Variants in MAML3 observed in about 807,000 individuals in gnomAD.
MAML3 encodes the protein mastermind like transcriptional coactivator 3.
A neutral mutation model predicts 101.9 loss-of-function variants in MAML3; 27 were observed. That is an observed-to-expected ratio of 0.27 (90% CI 0.20 to 0.37). The LOEUF (loss-of-function observed/expected upper bound fraction) is 0.37, where lower values mean the gene tolerates loss of function less well. Ranked by LOEUF, MAML3 falls within the 10% of genes least tolerant of loss-of-function variation. The pLI, the probability that MAML3 is intolerant of heterozygous loss-of-function variation, is 1.00. For missense variants in MAML3, 1,316 were observed against 1,444.9 expected, an observed-to-expected ratio of 0.91 and a Z score of 1.45; for synonymous variants, 501 against 555.9, an observed-to-expected ratio of 0.90 and a Z score of 1.39.
At chr4:139,780,623 C>CTTTTTTTTTT (rs35929438) in intron 2 of MAML3, among the ~76,000 whole-genome samples, 1 of 136,958 alleles carries the variant, frequency 7.3e-6, no homozygotes, top group Non-Finnish European at 1.6e-5. Context: ...TCTTTCTTTT[C>CTTTTTTTTTT]TTTTTTTTTT....
intron 2 of MAML3, among the ~76,000 whole-genome samples, chr4:139,842,906 T>C (rs1198116966): frequency 1.3e-5 from 2 of 149,876 alleles, no homozygotes; most frequent in African/African-American, 2.5e-5. Context: ...GCCTCCCGAG[T>C]AGCTGGAATT....
At chr4:140,118,273 G>A (rs1728547973) in intron 1 of MAML3, among the ~76,000 whole-genome samples, 2 of 151,648 alleles carry the variant, frequency 1.3e-5, no homozygotes, top group South Asian at 2.1e-4. Flanking sequence ...CCGTGTACTA[G>A]CTGTATGACT....
intron 2 of MAML3, among the ~76,000 whole-genome samples, chr4:139,880,455 A>T (rs1732196437): frequency 6.6e-6 from 1 of 152,000 alleles, no homozygotes; most frequent in Non-Finnish European, 1.5e-5. Context: ...TTCTGTCCAT[A>T]TTCCACCTTG....
At chr4:139,972,744 TA>T (rs963577287) in intron 1 of MAML3, among the ~76,000 whole-genome samples, 1 of 152,236 alleles carries the variant, frequency 6.6e-6, no homozygotes, top group Admixed American at 6.5e-5. Flanking sequence ...ATACCTCAAT[TA>T]AAAGTTTTAA....
rs370601151 is a variant in MAML3 at position 140,067,877 on chromosome 4, G to A, written c.468+84983C>T. On this transcript the variant is annotated intron_variant, in intron 1 of 4. Transcript: ENST00000509479. ...GCTTCCCAAGTAGCTGGGATTATAG[G>A]CATATGCCACCACGCCCGGCTAATT... Among the ~76,000 whole-genome samples, 12 of 152,122 alleles carry A rather than the reference G, an allele frequency of 7.9e-5. No individual in the cohort carries two copies. The South Asian group carries it at 1.5e-3, about 18-fold the overall frequency.
At chr4:139,840,087 G>A (rs1214729103) in intron 2 of MAML3, among the ~76,000 whole-genome samples, 3 of 152,168 alleles carry the variant, frequency 2.0e-5, no homozygotes, top group Non-Finnish European at 4.4e-5. Context: ...TCCTGTGCAT[G>A]GAAATTCTTG....
Position 139,912,374 on chromosome 4 carries a change from A to G in MAML3, c.469-21407T>C, listed in dbSNP as rs564020568. ...GAAGAACACTGCTAAGGAGGAAAAAATAAAGGTTGAGGAGAGAAGTAAATG... is the reference window on the plus strand; with the variant it reads ...GAAGAACACTGCTAAGGAGGAAAAAGTAAAGGTTGAGGAGAGAAGTAAATG... On this transcript the variant is annotated intron_variant, in intron 1 of 4. Transcript: ENST00000509479. Among the ~76,000 whole-genome samples the G allele has an allele frequency of 9.0e-4, 137 of 152,248 alleles. 1 individual carries two copies. Among genetic ancestry groups the G allele is most frequent in the African/African-American group, 3.1e-3 (127 of 41,486 alleles).
At chr4:140,139,274 T>C (rs1160885461) in intron 1 of MAML3, among the ~76,000 whole-genome samples, 1 of 151,626 alleles carries the variant, frequency 6.6e-6, no homozygotes, top group African/African-American at 2.4e-5. Context: ...CCCTGTTGTC[T>C]TTTTTTTTCT....
chr4:140,033,347 C>G (rs1018159295), intron 1 of MAML3, among the ~76,000 whole-genome samples: 1 of 151,934 alleles, frequency 6.6e-6, no homozygotes, highest in Middle Eastern at 3.2e-3. Context: ...AAGAAGCTCA[C>G]GCAAAACCTG....
rs554133311 is a variant in MAML3 at position 139,879,890 on chromosome 4, G to A, written c.2079+9467C>T. On this transcript the variant is annotated intron_variant, in intron 2 of 4. Coordinates refer to ENST00000509479, the MANE Select transcript of MAML3 (RefSeq NM_018717.5). ...TAGGAGTGCAATTAAAACCTCTTTC[G>A]GGCTGGGTGTGGTGGCTCACGCCTG... is the stretch of plus-strand genomic sequence containing the variant. 2.0e-5 allele frequency among the ~76,000 whole-genome samples: 3 copies of A among 152,062 alleles called. No individual in the cohort carries two copies. In the East Asian group the frequency reaches 5.8e-4, roughly 30 times the overall value.
At chr4:140,028,734 T>C (rs1388638615) in intron 1 of MAML3, among the ~76,000 whole-genome samples, 3 of 152,192 alleles carry the variant, frequency 2.0e-5, no homozygotes, top group African/African-American at 7.2e-5. Context: ...CTTATCTCCC[T>C]ATTCATTTAA....
At chr4:139,764,493 A>G (rs1224107909) in intron 2 of MAML3, among the ~76,000 whole-genome samples, 2 of 152,176 alleles carry the variant, frequency 1.3e-5, no homozygotes, top group African/African-American at 2.4e-5. Flanking sequence ...GTGACCGAGG[A>G]CATTGTCTCA....
chr4:139,997,008 G>A (rs568339066), intron 1 of MAML3, among the ~76,000 whole-genome samples: 1 of 151,792 alleles, frequency 6.6e-6, no homozygotes, highest in African/African-American at 2.4e-5. Flanking sequence ...AAAGAGCCAA[G>A]ATCGCGCCAC....
chr4:140,146,595 A>C (rs1053595535), intron 1 of MAML3, among the ~76,000 whole-genome samples: 1 of 152,216 alleles, frequency 6.6e-6, no homozygotes, highest in Non-Finnish European at 1.5e-5. Context: ...AAAACTAAAT[A>C]GTGAATTTTT....
At chr4:139,874,918 C>A (rs1343783643) in intron 2 of MAML3, among the ~76,000 whole-genome samples, 1 of 151,910 alleles carries the variant, frequency 6.6e-6, no homozygotes, top group African/African-American at 2.4e-5. Context: ...ATTCTCCTGC[C>A]ACAGCCTCCC....
intron 1 of MAML3, among the ~76,000 whole-genome samples, chr4:140,100,606 G>C (rs1578684562): frequency 6.6e-6 from 1 of 151,630 alleles, no homozygotes; most frequent in African/African-American, 2.4e-5. Flanking sequence ...TCAAATTCTG[G>C]CAAAACTAAG....
chr4:140,018,771 T>C (rs1726687890), intron 1 of MAML3, among the ~76,000 whole-genome samples: 1 of 152,242 alleles, frequency 6.6e-6, no homozygotes, highest in African/African-American at 2.4e-5. Context: ...TTGTATATAA[T>C]GTTTTGGGAC....
intron 1 of MAML3, among the ~76,000 whole-genome samples, chr4:139,990,805 C>T (rs1362405460): frequency 2.0e-5 from 3 of 152,122 alleles, no homozygotes; most frequent in Non-Finnish European, 2.9e-5. Context: ...GTCACAATTG[C>T]TTCAAAGAGA....
Position 139,775,642 on chromosome 4 carries a change from G to C in MAML3, c.2080-44975C>G, listed in dbSNP as rs189925807. Among the ~76,000 whole-genome samples, 3 of 152,060 alleles carry C rather than the reference G, an allele frequency of 2.0e-5. No individual in the cohort carries two copies. In the East Asian group the frequency reaches 5.8e-4, roughly 29 times the overall value. ...AGTTTGCAGCAGAGAGGAGTGGTTC[G>C]GGGGGCAGAATGATTCCGTTTGATT... is the stretch of plus-strand genomic sequence containing the variant. On this transcript the variant is annotated intron_variant, in intron 2 of 4. Transcript: ENST00000509479.
Sources: gnomAD v4.1 joint callset for allele counts (sites outside exome capture counted in the v4.1 genomes callset) on GRCh38, gnomAD v4.1.1 for gene constraint, MANE v1.5 for transcripts, NCBI Gene and HGNC (gene_info 2026-07-23, HGNC 2026-07-21) for gene names.